The following ADGRL2 variants were observed in gnomAD, a reference collection of about 807,000 sequenced individuals.
The protein encoded by ADGRL2 is calcium-independent alpha-latrotoxin receptor 2.
In ADGRL2, 44 loss-of-function variants were observed where a neutral mutation model predicts 157.4. That is an observed-to-expected ratio of 0.28 (90% CI 0.22 to 0.36). The LOEUF is 0.36. ADGRL2 is among the 10% of genes least tolerant of loss of function. ADGRL2 has a pLI of 1.00. For missense variants in ADGRL2, 1,510 were observed against 1,768.9 expected (o/e 0.85, Z 2.63); for synonymous variants, 585 against 624.7 (o/e 0.94, Z 0.95).
intron 11 of ADGRL2, among the ~76,000 whole-genome samples, chr1:81,964,450 G>GT (rs1413010579): frequency 6.6e-6 from 1 of 152,038 alleles, no homozygotes; most frequent in Non-Finnish European, 1.5e-5. Flanking sequence ...TTCCAAACAA[G>GT]TATCAGTAAA....
At chr1:81,450,360 A>C (rs1209128986) in intron 2 of ADGRL2, among the ~76,000 whole-genome samples, 1 of 152,200 alleles carries the variant, frequency 6.6e-6, no homozygotes, top group Non-Finnish European at 1.5e-5. Context: ...TGTACCTGCC[A>C]TCCTGTTATA....
At chr1:81,907,603 A>G (rs2094610253) in intron 3 of ADGRL2, among the ~76,000 whole-genome samples, 1 of 151,944 alleles carries the variant, frequency 6.6e-6, no homozygotes. Flanking sequence ...TTGCTACTTA[A>G]CTTTTTTTTT....
At chr1:81,433,932 C>T (rs943609814) in intron 1 of ADGRL2, among the ~76,000 whole-genome samples, 2 of 152,204 alleles carry the variant, frequency 1.3e-5, no homozygotes, top group Admixed American at 6.5e-5. Context: ...TGTTGGGACT[C>T]TGTTGACACC....
rs1454827781 is a variant in ADGRL2, at chr1:81,344,679, A to AT, written c.-302+38170_-302+38171insT. On this transcript the variant is annotated intron_variant, in intron 1 of 24. Transcript: ENST00000370721. The stretch of plus-strand genomic sequence containing the variant: ...GAAACTCTGTCTCAAAAAAAAAAAA[A>AT]AAAAAAAAAAAGCAGATTATATTTA... 8.1e-3 allele frequency among the ~76,000 whole-genome samples: 1,207 copies of AT among 148,520 alleles called. 10 individuals carry two copies. Among genetic ancestry groups the AT allele is most frequent in the Middle Eastern group, 0.025 (7 of 280 alleles).
intron 3 of ADGRL2, among the ~76,000 whole-genome samples, chr1:81,589,936 T>G (rs1232246651): frequency 6.6e-6 from 1 of 152,114 alleles, no homozygotes; most frequent in Non-Finnish European, 1.5e-5. Flanking sequence ...GTGAAATAAG[T>G]CTAGATCAGA....
rs149588702 is a variant in ADGRL2 at position 81,972,513 on chromosome 1, C to T, written c.3021+595C>T. 1.1e-4 allele frequency among the ~76,000 whole-genome samples: 17 copies of T among 152,130 alleles called. No homozygotes were observed. In the East Asian group the frequency reaches 1.7e-3, roughly 16 times the overall value. ...TGAATTTGATGCAAGTCAAGGATAACGACATTAAGATATTTTTAAACATCT... is the reference window on the plus strand; with the variant it reads ...TGAATTTGATGCAAGTCAAGGATAATGACATTAAGATATTTTTAAACATCT... On this transcript the variant is annotated intron_variant, in intron 17 of 23. Coordinates refer to ENST00000686636, the MANE Select transcript of ADGRL2 (RefSeq NM_001366006.2).
At chr1:81,699,134 A>G (rs55694470), upstream of ADGRL2, among the ~76,000 whole-genome samples, 2,683 of 152,334 alleles carry the variant, frequency 0.018, 34 homozygotes, top group South Asian at 0.054. Flanking sequence ...GAGGAACTCT[A>G]ATTTTATTTT....
At chr1:81,393,920 A>G (rs2076606457) in intron 1 of ADGRL2, among the ~76,000 whole-genome samples, 1 of 150,618 alleles carries the variant, frequency 6.6e-6, no homozygotes, top group African/African-American at 2.4e-5. Context: ...TATAGAATTT[A>G]CTGATATTTG....
At chr1:81,444,970 T>C (rs2077574217) in intron 1 of ADGRL2, 1 of 152,248 alleles carries the variant, frequency 6.6e-6, no homozygotes, top group Non-Finnish European at 1.5e-5. Context: ...ATTTCATTGA[T>C]AATCTTTTCA....
intron 2 of ADGRL2, among the ~76,000 whole-genome samples, chr1:81,880,704 C>G (rs1393255616): frequency 6.6e-6 from 1 of 151,878 alleles, no homozygotes; most frequent in Non-Finnish European, 1.5e-5. Context: ...ACACGCGGGC[C>G]CTTAGTCTGA....
At chr1:81,324,745 G>C (rs10874217) in intron 1 of ADGRL2, among the ~76,000 whole-genome samples, 113,360 of 151,602 alleles carry the variant, frequency 0.75, 43,077 homozygotes, top group African/African-American at 0.84. Flanking sequence ...GAGGCAGAGT[G>C]TTTTCCTGTC....
At chr1:81,855,691 T>G in intron 2 of ADGRL2, among the ~76,000 whole-genome samples, 1 of 152,160 alleles carries the variant, frequency 6.6e-6, no homozygotes, top group East Asian at 1.9e-4. Context: ...CATCCCCATA[T>G]TTTGAAATGT....
At chr1:81,918,625 G>C (rs549940779) in intron 3 of ADGRL2, among the ~76,000 whole-genome samples, 4 of 152,034 alleles carry the variant, frequency 2.6e-5, no homozygotes, top group African/African-American at 9.7e-5. Flanking sequence ...TAGCAAGCAC[G>C]AGCTCTTGTG....
intron 2 of ADGRL2, among the ~76,000 whole-genome samples, chr1:81,460,574 A>C (rs2077905399): frequency 6.6e-6 from 1 of 152,148 alleles, no homozygotes; most frequent in Non-Finnish European, 1.5e-5. Flanking sequence ...CTGATTCCCT[A>C]GGCCTGAGTT....
chr1:81,764,492 A>G (rs1173873606), intron 2 of ADGRL2, among the ~76,000 whole-genome samples: 5 of 152,132 alleles, frequency 3.3e-5, no homozygotes. Flanking sequence ...TACTGTTCAC[A>G]TAAATGCTTC....
intron 1 of ADGRL2, among the ~76,000 whole-genome samples, chr1:81,829,730 C>T (rs2091799518): frequency 6.6e-6 from 1 of 152,094 alleles, no homozygotes; most frequent in Admixed American, 6.6e-5. Flanking sequence ...ATTGCAGAAG[C>T]CCCCAGATGG....
At chr1:81,559,789 G>A (rs186020536) in intron 2 of ADGRL2, among the ~76,000 whole-genome samples, 387 of 152,242 alleles carry the variant, frequency 2.5e-3, no homozygotes, top group African/African-American at 9.0e-3. Flanking sequence ...GGGGCATTAT[G>A]CCAGGAGCAT....
chr1:81,315,805 G>A (rs1660068237), intron 1 of ADGRL2, among the ~76,000 whole-genome samples: 1 of 151,832 alleles, frequency 6.6e-6, no homozygotes, highest in Admixed American at 6.6e-5. Context: ...TTTAAAATAT[G>A]TCTGTCTGAA....
chr1:81,501,358 G>T (rs1163230953), intron 2 of ADGRL2, among the ~76,000 whole-genome samples: 1 of 152,180 alleles, frequency 6.6e-6, no homozygotes, highest in Non-Finnish European at 1.5e-5. Context: ...CAATATTTCT[G>T]CTATGTGATT....
Sources: gnomAD v4.1 joint callset for allele counts (sites outside exome capture counted in the v4.1 genomes callset) on GRCh38, gnomAD v4.1.1 for gene constraint, MANE v1.5 for transcripts, NCBI Gene and HGNC (gene_info 2026-07-23, HGNC 2026-07-21) for gene names.